CTF1: variants seen among roughly 807,000 people sequenced by gnomAD.
CTF1 encodes the protein cardiotrophin 1, also known as cardiotrophin-1.
CTF1 carries 9 observed loss-of-function variants against 10.9 expected under a neutral mutation model. The observed-to-expected ratio is 0.83, with a 90% CI of 0.50 to 1.44. CTF1 has a LOEUF of 1.44. Among genes scored for constraint, CTF1 ranks in the 40% most tolerant of loss-of-function variants. CTF1 has a pLI of 0.00. For synonymous variants in CTF1, 133 were observed against 138.8 expected (o/e 0.96, Z 0.29); for missense variants, 259 against 275.3 (o/e 0.94, Z 0.42).
Position 30,902,546 on chromosome 16 carries a change from C to T in CTF1, c.*7C>T, listed in dbSNP as rs944305760. On this transcript the variant is annotated 3_prime_UTR_variant, in exon 3 of 3. Coordinates refer to ENST00000279804, the MANE Select transcript of CTF1 (RefSeq NM_001330.5). ...GCCCGGGGGCTCGGCCTGAGCGCCG[C>T]GGGGCAGCTCGCCCCGCCTCCTCCC... 33 of 1,498,454 alleles carry T rather than the reference C, an allele frequency of 2.2e-5. No homozygotes were observed. In the African/African-American group the frequency reaches 4.6e-4, roughly 21 times the overall value. 92.8% of individuals were successfully genotyped at this position (1,498,454 alleles called of 1,614,324 possible).
Position 30,902,533 on chromosome 16 carries a change from G to A in CTF1, c.600G>A (p.Ser200=), listed in dbSNP as rs1026759136. The change falls in exon 3 of 3, where the codon TCG becomes TCA. Residue 200 remains serine, a synonymous_variant. Transcript: ENST00000279804. ...GDLGQLLPGG[S]A is the part of the protein sequence containing the mutation. ...TGGGCCAGCTGCTGCCCGGGGGCTC[G>A]GCCTGAGCGCCGCGGGGCAGCTCGC... is the stretch of plus-strand genomic sequence containing the variant. The A allele has an allele frequency of 2.7e-6, 4 of 1,498,152 alleles. No individual in the cohort carries two copies. Among genetic ancestry groups the A allele is most frequent in the Non-Finnish European group, 3.5e-6 (4 of 1,128,508 alleles). 92.8% of individuals were successfully genotyped at this position (1,498,152 alleles called of 1,614,324 possible).
At chr16:30,896,591 C>A, upstream of CTF1, 1 of 1,252,666 alleles carries the variant, frequency 8.0e-7, no homozygotes, top group Non-Finnish European at 1.0e-6. Context: ...TTTCCCCTTT[C>A]TCCCCCCTCG....
Position 30,902,574 on chromosome 16 carries a change from TG to T in CTF1, c.*38del, listed in dbSNP as rs750686575. ...GGCAGCTCGCCCCGCCTCCTCCCGC[TG>T]GGTTCCGTCTCTCCTTCCGCTTCTT... On this transcript the variant is annotated 3_prime_UTR_variant, in exon 3 of 3. Coordinates refer to ENST00000279804, the MANE Select transcript of CTF1 (RefSeq NM_001330.5). 6.7e-6 allele frequency: 10 copies of T among 1,488,580 alleles called. No homozygotes were observed. Among genetic ancestry groups the T allele is most frequent in the Non-Finnish European group, 8.9e-6 (10 of 1,122,152 alleles). The allele number at this position is 1,488,580 out of a possible 1,614,324, so 92.2% of individuals were successfully genotyped here. A position where few individuals can be genotyped will look rare whatever the true frequency, so the allele number is the denominator to read the frequency against.
intron 1 of CTF1, among the ~76,000 whole-genome samples, chr16:30,898,171 T>C (rs2055370432): frequency 6.7e-6 from 1 of 149,476 alleles, no homozygotes; most frequent in Admixed American, 6.6e-5. Flanking sequence ...AATTTTTTTT[T>C]TTTTTTTTGA....
At chr16:30,897,399 T>G (rs2055362452) in intron 1 of CTF1, among the ~76,000 whole-genome samples, 1 of 152,180 alleles carries the variant, frequency 6.6e-6, no homozygotes, top group Non-Finnish European at 1.5e-5. Context: ...CCACTAGCAG[T>G]CACTGAGGTA....
In CTF1 at chr16:30,902,460, G is replaced by A. The variant is rs886051925; in HGVS notation, c.527G>A (p.Arg176His). ...GVFPAKVLGLRVCGLYREWLS... is the reference protein window; with the variant it reads ...GVFPAKVLGLHVCGLYREWLS... ...TTCCCCGCCAAGGTGCTGGGGCTCCGCGTTTGCGGCCTCTACCGCGAGTGG... is the reference window on the plus strand; with the variant it reads ...TTCCCCGCCAAGGTGCTGGGGCTCCACGTTTGCGGCCTCTACCGCGAGTGG... Residue 176 changes from arginine to histidine, a missense_variant, in exon 3 of 3, where the codon CGC (arginine) becomes CAC (histidine). Coordinates refer to ENST00000279804, the MANE Select transcript of CTF1 (RefSeq NM_001330.5). 3.3e-5 allele frequency: 49 copies of A among 1,472,056 alleles called. No homozygotes were observed. The highest frequency in any genetic ancestry group is 2.5e-4 in the Admixed American group (11 of 44,304). 91.2% of individuals were successfully genotyped at this position (1,472,056 alleles called of 1,614,324 possible).
rs370908045 is a variant in CTF1 at position 30,902,553 on chromosome 16, G to C, written c.*14G>C. 6.5e-5 allele frequency: 97 copies of C among 1,494,464 alleles called. No homozygotes were observed. Among genetic ancestry groups the C allele is most frequent in the East Asian group, 3.6e-4 (13 of 36,466 alleles). 92.6% of individuals were successfully genotyped at this position (1,494,464 alleles called of 1,614,324 possible). ...GGCTCGGCCTGAGCGCCGCGGGGCAGCTCGCCCCGCCTCCTCCCGCTGGGT... is the reference window on the plus strand; with the variant it reads ...GGCTCGGCCTGAGCGCCGCGGGGCACCTCGCCCCGCCTCCTCCCGCTGGGT... On this transcript the variant is annotated 3_prime_UTR_variant, in exon 3 of 3. Transcript: ENST00000279804.
chr16:30,896,558 C>A, upstream of CTF1: 1 of 1,188,284 alleles, frequency 8.4e-7, no homozygotes, highest in Non-Finnish European at 1.1e-6. Context: ...TGATTGGCTG[C>A]GCCCGGGCCA....
At position 30,898,232 on chromosome 16, in the gene CTF1, G is replaced by C. The variant is rs187917625; in HGVS notation, c.26-1183G>C. On this transcript the variant is annotated intron_variant, in intron 1 of 2. Transcript: ENST00000279804. ...GCTGGAGTGCAGTGACCTGATCTCA[G>C]CTCAATGCAACCTCCTCCTCCCAGG... Among the ~76,000 whole-genome samples the C allele has an allele frequency of 1.4e-4, 21 of 150,796 alleles. 1 individual carries two copies. In the East Asian group the frequency reaches 3.6e-3, roughly 26 times the overall value.
chr16:30,902,329 G>A lies in CTF1; in HGVS notation c.396G>A (p.Leu132=), dbSNP rs1421445718. Residue 132 remains leucine, a synonymous_variant, in exon 3 of 3, where the codon CTG becomes CTA. Coordinates refer to ENST00000279804, the MANE Select transcript of CTF1 (RefSeq NM_001330.5). The stretch of plus-strand genomic sequence containing the variant: ...ACGCGGCGCGCCAGGCCCGGGCCCT[G>A]GGCGCCGCCGTGGAGGCCTTGCTGG... The part of the protein sequence containing the change: ...LEDAARQARA[L]GAAVEALLAA... The A allele has an allele frequency of 5.8e-6, 6 of 1,036,098 alleles. No individual in the cohort carries two copies. The highest frequency in any genetic ancestry group is 6.9e-6 in the Non-Finnish European group (6 of 865,958). The allele number at this position is 1,036,098 out of a possible 1,614,324, so 64.2% of individuals were successfully genotyped here.
In CTF1 at chr16:30,902,420, T is replaced by C. The variant is rs2055412066; in HGVS notation, c.487T>C (p.Ser163Pro). The C allele has an allele frequency of 1.5e-6, 2 of 1,370,650 alleles. No homozygotes were observed. The highest frequency in any genetic ancestry group is 2.8e-5 in the Admixed American group (1 of 35,092). 84.9% of individuals were successfully genotyped at this position (1,370,650 alleles called of 1,614,324 possible). The part of the protein sequence containing the change: ...EPPAATASAA[S>P]ATGVFPAKVL... The stretch of plus-strand genomic sequence containing the variant: ...CCCCGCCGCCACCGCCTCAGCCGCC[T>C]CCGCCACCGGGGTCTTCCCCGCCAA... Residue 163 changes from serine (S) to proline (P), a missense_variant, in exon 3 of 3, where the codon TCC becomes CCC. Ser to Pro is a moderately conservative substitution (Grantham distance 74). Transcript: ENST00000279804.
intron 2 of CTF1, among the ~76,000 whole-genome samples, chr16:30,900,119 T>C (rs2055389172): frequency 6.6e-6 from 1 of 152,148 alleles, no homozygotes; most frequent in African/African-American, 2.4e-5. Context: ...TGGGCCTTGG[T>C]CTCTCCCCAA....
chr16:30,899,968 G>T (rs1201860457), intron 2 of CTF1, among the ~76,000 whole-genome samples: 2 of 152,122 alleles, frequency 1.3e-5, no homozygotes, highest in African/African-American at 4.8e-5. Flanking sequence ...GCCCAGGCTG[G>T]TCTTGAACTC....
chr16:30,897,209 C>A (rs868127822), intron 1 of CTF1, among the ~76,000 whole-genome samples: 1 of 152,152 alleles, frequency 6.6e-6, no homozygotes, highest in African/African-American at 2.4e-5. Flanking sequence ...AATGGAGTCC[C>A]TCCCGGGGCG....
chr16:30,902,183 C>A lies in CTF1; in HGVS notation c.250C>A (p.His84Asn), dbSNP rs1216741384. Residue 84 changes from histidine to asparagine, a missense_variant, in exon 3 of 3, where the codon CAC (histidine) becomes AAC (asparagine). Coordinates refer to ENST00000279804, the MANE Select transcript of CTF1 (RefSeq NM_001330.5). ...PAPSHAGLPV[H>N]ERLRLDAAAL... is the part of the protein sequence containing the mutation. ...TCCGAGCCACGCGGGGCTGCCAGTG[C>A]ACGAGCGGCTGCGGCTGGACGCGGC... 1.6e-6 allele frequency: 2 copies of A among 1,221,132 alleles called. No homozygotes were observed. Among genetic ancestry groups the A allele is most frequent in the Non-Finnish European group, 2.0e-6 (2 of 982,122 alleles). 75.6% of individuals were successfully genotyped at this position (1,221,132 alleles called of 1,614,324 possible).
Position 30,899,551 on chromosome 16 carries a change from T to TGGGAAGGGGGGG in CTF1, c.144+21_144+22insAAGGGGGGGGGG. On this transcript the variant is annotated intron_variant, in intron 2 of 2. Transcript: ENST00000279804. Reference sequence around the variant, plus strand: ...AGGAATATGTGAGTGGGAATGGGGGTGGGGGTGCCGGGGGCCTGGGGAATG... The same window carrying TGGGAAGGGGGGG: ...AGGAATATGTGAGTGGGAATGGGGGTGGGAAGGGGGGGGGGGGTGCCGGGGGCCTGGGGAATG... The TGGGAAGGGGGGG allele has an allele frequency of 2.3e-6, 1 of 435,278 alleles. No homozygotes were observed. The allele number at this position is 435,278 out of a possible 1,614,324, so 27.0% of individuals were successfully genotyped here.
chr16:30,902,613 C>T lies in CTF1; in HGVS notation c.*74C>T. 2.8e-6 allele frequency: 4 copies of T among 1,415,734 alleles called. No homozygotes were observed. Among genetic ancestry groups the T allele is most frequent in the Non-Finnish European group, 3.7e-6 (4 of 1,079,926 alleles). The allele number at this position is 1,415,734 out of a possible 1,614,324, so 87.7% of individuals were successfully genotyped here. On this transcript the variant is annotated 3_prime_UTR_variant, in exon 3 of 3. Transcript: ENST00000279804. ...CCTTCCGCTTCTTTGTCTTTCTCTG[C>T]CGCTGTCGGTGTCTGTCTGTCTGCT...
chr16:30,900,098 C>T (rs2055389006), intron 2 of CTF1, among the ~76,000 whole-genome samples: 1 of 152,130 alleles, frequency 6.6e-6, no homozygotes. Flanking sequence ...GACCTTGACA[C>T]CTCCCCTCCA....
intron 1 of CTF1, among the ~76,000 whole-genome samples, 178 bp from the exon 2 acceptor site, chr16:30,899,237 T>C (rs1185511453): frequency 6.6e-6 from 1 of 152,212 alleles, no homozygotes; most frequent in Non-Finnish European, 1.5e-5. Context: ...CAACAGTGAT[T>C]TGGGGACAGG....
Sources: gnomAD v4.1 joint callset for allele counts (sites outside exome capture counted in the v4.1 genomes callset) on GRCh38, gnomAD v4.1.1 for gene constraint, MANE v1.5 for transcripts, NCBI Gene and HGNC (gene_info 2026-07-23, HGNC 2026-07-21) for gene names.